ZNF804B: variants seen among roughly 807,000 people sequenced by gnomAD.
ZNF804B encodes zinc finger 804B.
A neutral mutation model predicts 101.4 loss-of-function variants in ZNF804B; 80 were observed. The ratio of observed to expected loss-of-function variants is 0.79; its 90% CI spans 0.66 to 0.95. The LOEUF (loss-of-function observed/expected upper bound fraction) is 0.95, where lower values mean the gene tolerates loss of function less well. Among genes scored for constraint, ZNF804B ranks in the 40% least tolerant of loss-of-function variants. The pLI is 0.00. For synonymous variants in ZNF804B, 622 were observed against 558.8 expected (o/e 1.11, Z -1.59); for missense variants, 1,673 against 1,561.9 (o/e 1.07, Z -1.20).
rs372827282 is a variant in ZNF804B at position 89,029,934 on chromosome 7, C to T, written c.109-188221C>T. Among the ~76,000 whole-genome samples, 20 of 152,062 alleles carry T rather than the reference C, an allele frequency of 1.3e-4. No individual in the cohort carries two copies. In the East Asian group the frequency reaches 1.9e-3, roughly 15 times the overall value. ...ACAAAAAGAAAAGGCTCTGTTTTGA[C>T]GTAAAAATCTGATATATAAAGAGTC... On this transcript the variant is annotated intron_variant, in intron 1 of 3. Transcript: ENST00000333190.
chr7:88,993,903 C>T (rs1241968644), intron 1 of ZNF804B, among the ~76,000 whole-genome samples: 1 of 151,768 alleles, frequency 6.6e-6, no homozygotes, highest in African/African-American at 2.4e-5. Context: ...AGGCTCTCTC[C>T]CAAAATATTT....
At chr7:88,847,697 G>C (rs1380145399) in intron 1 of ZNF804B, among the ~76,000 whole-genome samples, 2 of 152,154 alleles carry the variant, frequency 1.3e-5, no homozygotes, top group Admixed American at 1.3e-4. Flanking sequence ...AGTGTGATGA[G>C]TGCAGCAGTG....
chr7:88,836,159 C>T (rs767012461), intron 1 of ZNF804B, among the ~76,000 whole-genome samples: 10 of 151,900 alleles, frequency 6.6e-5, no homozygotes, highest in South Asian at 2.1e-4. Flanking sequence ...GTTAACACCA[C>T]GTTTTGAGAT....
chr7:89,026,632 A>G (rs1788756417), intron 1 of ZNF804B, among the ~76,000 whole-genome samples: 1 of 152,154 alleles, frequency 6.6e-6, no homozygotes, highest in Admixed American at 6.6e-5. Context: ...AGAGGCACAA[A>G]TGATAGAACC....
rs561806767 is a variant in ZNF804B at position 88,959,686 on chromosome 7, C to G, written c.108+199602C>G. On this transcript the variant is annotated intron_variant, in intron 1 of 3. Transcript: ENST00000333190. ...ACGTGTTTGCATACTGATAGCTGCT[C>G]TCATCTCCTCCCACCTCTATTGACA... 2.0e-5 allele frequency among the ~76,000 whole-genome samples: 3 copies of G among 151,482 alleles called. No individual in the cohort carries two copies. The South Asian group carries it at 6.2e-4, about 31-fold the overall frequency.
intron 1 of ZNF804B, among the ~76,000 whole-genome samples, chr7:88,958,925 C>T (rs191537194): frequency 1.4e-3 from 209 of 151,562 alleles, no homozygotes; most frequent in African/African-American, 4.8e-3. Context: ...AATTATAATT[C>T]CAACTAAATC....
intron 1 of ZNF804B, among the ~76,000 whole-genome samples, chr7:88,854,533 T>TCCCTC (rs1554340260): frequency 2.6e-5 from 2 of 78,178 alleles, no homozygotes; most frequent in East Asian, 6.0e-4. Flanking sequence ...TTCCTTTCCT[T>TCCCTC]CCTTCCTTCC....
intron 2 of ZNF804B, among the ~76,000 whole-genome samples, chr7:89,283,151 A>C (rs945742636): frequency 6.6e-6 from 1 of 152,210 alleles, no homozygotes; most frequent in Admixed American, 6.5e-5. Flanking sequence ...TCGATAAATT[A>C]ACAACAGAAG....
chr7:89,279,190 C>G (rs962203620), intron 2 of ZNF804B, among the ~76,000 whole-genome samples: 1 of 151,834 alleles, frequency 6.6e-6, no homozygotes, highest in South Asian at 2.1e-4. Context: ...GTGATTTTTG[C>G]ACATTGATTT....
At position 88,928,663 on chromosome 7, in the gene ZNF804B, C is replaced by G. The variant is rs74630980; in HGVS notation, c.108+168579C>G. ...AGGTAATTTCTGAAGTATTCTTTCTCTCTTCCCTCTGCCCTTCAAATTAAA... is the reference window on the plus strand; with the variant it reads ...AGGTAATTTCTGAAGTATTCTTTCTGTCTTCCCTCTGCCCTTCAAATTAAA... On this transcript the variant is annotated intron_variant, in intron 1 of 3. Coordinates refer to ENST00000333190, the MANE Select transcript of ZNF804B (RefSeq NM_181646.5). Among the ~76,000 whole-genome samples, 207 of 152,264 alleles carry G rather than the reference C, an allele frequency of 1.4e-3. 3 individuals carry two copies. Among genetic ancestry groups the G allele is most frequent in the African/African-American group, 4.9e-3 (202 of 41,550 alleles).
intron 1 of ZNF804B, among the ~76,000 whole-genome samples, chr7:89,213,671 G>A (rs1788839157): frequency 6.6e-6 from 1 of 152,196 alleles, no homozygotes; most frequent in South Asian, 2.1e-4. Flanking sequence ...ACAGCCTGGA[G>A]TTATATGGCA....
intron 1 of ZNF804B, among the ~76,000 whole-genome samples, chr7:88,818,092 A>T (rs1329912636): frequency 6.6e-6 from 1 of 152,206 alleles, no homozygotes; most frequent in Non-Finnish European, 1.5e-5. Flanking sequence ...TGACTGTAAA[A>T]GAAAAAGTTT....
At chr7:89,278,364 A>G (rs1790024262) in intron 2 of ZNF804B, among the ~76,000 whole-genome samples, 1 of 150,948 alleles carries the variant, frequency 6.6e-6, no homozygotes, top group Non-Finnish European at 1.5e-5. Context: ...ATTAGATCCC[A>G]TTTGTCAATT....
At chr7:88,816,074 C>A (rs1790871230) in intron 1 of ZNF804B, among the ~76,000 whole-genome samples, 1 of 151,956 alleles carries the variant, frequency 6.6e-6, no homozygotes, top group Non-Finnish European at 1.5e-5. Context: ...TCCTCCGCAC[C>A]CAACTTCAAA....
Position 88,904,328 on chromosome 7 carries a change from AG to A in ZNF804B, c.108+144245del, listed in dbSNP as rs1792436337. On this transcript the variant is annotated intron_variant, in intron 1 of 3. Transcript: ENST00000333190. The stretch of plus-strand genomic sequence containing the variant: ...TGGTCTATGTGTTCATTTTTGTAAC[AG>A]TGCCATGCTGTTTTGGTTCCTGTAG... Among the ~76,000 whole-genome samples, 3 of 152,156 alleles carry A rather than the reference AG, an allele frequency of 2.0e-5. 1 individual carries two copies. The highest frequency in any genetic ancestry group is 4.1e-4 in the South Asian group (2 of 4,830).
chr7:88,985,102 T>C (rs780063209), intron 1 of ZNF804B, among the ~76,000 whole-genome samples: 9 of 152,086 alleles, frequency 5.9e-5, no homozygotes, highest in Non-Finnish European at 8.8e-5. Flanking sequence ...CTTTAGAAAG[T>C]CTGACTGTAT....
intron 1 of ZNF804B, among the ~76,000 whole-genome samples, chr7:88,772,228 T>C (rs1161179630): frequency 2.0e-5 from 3 of 152,210 alleles, no homozygotes; most frequent in Non-Finnish European, 2.9e-5. Flanking sequence ...TGACCACCAC[T>C]GATGATTTGC....
intron 1 of ZNF804B, among the ~76,000 whole-genome samples, chr7:88,861,789 A>G (rs1357759383): frequency 6.6e-6 from 1 of 152,230 alleles, no homozygotes; most frequent in East Asian, 1.9e-4. Flanking sequence ...TGAGATATGT[A>G]GCACATACTT....
At chr7:89,298,222 A>G (rs1446855393) in intron 2 of ZNF804B, among the ~76,000 whole-genome samples, 257 of 82,374 alleles carry the variant, frequency 3.1e-3, no homozygotes, top group African/African-American at 5.1e-3. Context: ...GTGTGTATAT[A>G]TATATATATA....
Sources: gnomAD v4.1 joint callset for allele counts (sites outside exome capture counted in the v4.1 genomes callset) on GRCh38, gnomAD v4.1.1 for gene constraint, MANE v1.5 for transcripts, NCBI Gene and HGNC (gene_info 2026-07-23, HGNC 2026-07-21) for gene names.